GARNL3: variants seen among roughly 807,000 people sequenced by gnomAD.
GARNL3 encodes GTPase activating Rap/RanGAP domain like 3, also known as GTPase-activating Rap/Ran-GAP domain-like protein 3.
A neutral mutation model predicts 125.0 loss-of-function variants in GARNL3; 63 were observed. That is an observed-to-expected ratio of 0.50 (90% CI 0.41 to 0.62). The LOEUF (loss-of-function observed/expected upper bound fraction) is 0.62. Ranked by LOEUF, GARNL3 falls within the 20% of genes least tolerant of loss-of-function variation. The pLI is 0.00. For missense variants in GARNL3, 994 were observed against 1,244.0 expected (o/e 0.80, Z 3.02); for synonymous variants, 439 against 457.5 (o/e 0.96, Z 0.52).
chr9:127,289,161 G>C (rs76840673), intron 1 of GARNL3, among the ~76,000 whole-genome samples: 2,042 of 152,260 alleles, frequency 0.013, 54 homozygotes, highest in African/African-American at 0.047. Context: ...GTGACCCTAT[G>C]ATATCTAAAT....
chr9:127,334,334 C>T (rs1044675233), intron 9 of GARNL3, among the ~76,000 whole-genome samples: 3 of 152,256 alleles, frequency 2.0e-5, no homozygotes, highest in Non-Finnish European at 4.4e-5. Context: ...AGTCAGGCAG[C>T]GGGTGTGAGG....
chr9:127,388,748 C>T (rs2131838158), intron 25 of GARNL3, 156 bp from the exon 26 acceptor site: 1 of 613,634 alleles, frequency 1.6e-6, no homozygotes, highest in Non-Finnish European at 2.9e-6. Flanking sequence ...ACCCTCAAAT[C>T]AGTGCTCCTG....
chr9:127,313,078 G>A, intron 3 of GARNL3, among the ~76,000 whole-genome samples: 1 of 152,260 alleles, frequency 6.6e-6, no homozygotes, highest in African/African-American at 2.4e-5. Flanking sequence ...CCCTTGGGCT[G>A]GCCCTGTTCA....
At chr9:127,294,570 G>A (rs141237709) in intron 2 of GARNL3, among the ~76,000 whole-genome samples, 410 of 152,264 alleles carry the variant, frequency 2.7e-3, no homozygotes, top group African/African-American at 9.3e-3. Flanking sequence ...CCAACATGCT[G>A]GGATTACAGG....
chr9:127,237,082 A>G (rs1047159017), intron 1 of GARNL3, among the ~76,000 whole-genome samples: 1 of 152,196 alleles, frequency 6.6e-6, no homozygotes, highest in Non-Finnish European at 1.5e-5. Context: ...AGTGTGTACA[A>G]GTTTGTTGGA....
At chr9:127,316,390 T>A (rs993858921) in intron 4 of GARNL3, among the ~76,000 whole-genome samples, 21 of 151,072 alleles carry the variant, frequency 1.4e-4, no homozygotes, top group South Asian at 2.1e-4. Context: ...AAAAAAAAAA[T>A]AAAAATAAAA....
At chr9:127,284,563 C>T (rs2064191810) in intron 1 of GARNL3, among the ~76,000 whole-genome samples, 1 of 151,736 alleles carries the variant, frequency 6.6e-6, no homozygotes, top group Non-Finnish European at 1.5e-5. Context: ...TTTTTATCTT[C>T]TAGTGGTTAA....
Position 127,343,393 on chromosome 9 carries a change from C to A in GARNL3, c.1252-842C>A, listed in dbSNP as rs547295660. ...AATGATGTCCTTCAAGATAAGTAAT[C>A]ATATCCCAGCTGAAGCATCACTGCC... On this transcript the variant is annotated intron_variant, in intron 14 of 27. Coordinates refer to ENST00000373387, the MANE Select transcript of GARNL3 (RefSeq NM_032293.5). Among the ~76,000 whole-genome samples, 6 of 152,314 alleles carry A rather than the reference C, an allele frequency of 3.9e-5. No homozygotes were observed. In the East Asian group the frequency reaches 9.6e-4, roughly 24 times the overall value.
intron 4 of GARNL3, 137 bp downstream of exon 4, chr9:127,313,696 C>A: frequency 1.4e-6 from 1 of 700,346 alleles, no homozygotes; most frequent in Non-Finnish European, 2.6e-6. Context: ...GAGAAGTTGA[C>A]AGTGCCTTTG....
chr9:127,377,527 C>T lies in GARNL3; in HGVS notation c.2162-5911C>T, dbSNP rs1831985960. 2.0e-5 allele frequency among the ~76,000 whole-genome samples: 3 copies of T among 152,132 alleles called. No individual in the cohort carries two copies. The South Asian group carries it at 6.2e-4, about 32-fold the overall frequency. On this transcript the variant is annotated intron_variant, in intron 22 of 27. Coordinates refer to ENST00000373387, the MANE Select transcript of GARNL3 (RefSeq NM_032293.5). ...GCCGGCCAGGAGGGGTGGCTCACAC[C>T]CGTAATCCCAGCACTTTGGGAGGCT... is the stretch of plus-strand genomic sequence containing the variant.
At chr9:127,300,798 G>T in intron 2 of GARNL3, 2 of 381,706 alleles carry the variant, frequency 5.2e-6, no homozygotes, top group South Asian at 4.0e-5. Flanking sequence ...AGATTCATTT[G>T]GAAAATTCTT....
Position 127,313,517 on chromosome 9 carries a change from T to C in GARNL3, c.396T>C (p.Asn132=). 1 of 1,614,034 alleles carries C rather than the reference T, an allele frequency of 6.2e-7. No individual in the cohort carries two copies. The highest frequency in any genetic ancestry group is 8.5e-7 in the Non-Finnish European group (1 of 1,179,930). Residue 132 remains asparagine (N), a synonymous_variant, in exon 4 of 28, where the codon AAT becomes AAC. Transcript: ENST00000373387. ...FLSVTLSDQN[N]QRVPQYRAIL... The stretch of plus-strand genomic sequence containing the variant: ...CCGTGACCCTTTCTGACCAAAACAA[T>C]CAACGTGTCCCTCAATACCGTGCAA...
At chr9:127,350,723 C>T (rs898732007) in intron 17 of GARNL3, among the ~76,000 whole-genome samples, 17 of 151,842 alleles carry the variant, frequency 1.1e-4, no homozygotes, top group Admixed American at 2.6e-4. Context: ...TTGCAGTGAG[C>T]CAAGATCGCA....
chr9:127,332,162 T>C (rs777890089), intron 7 of GARNL3, 112 bp from the exon 8 acceptor site: 2 of 733,378 alleles, frequency 2.7e-6, no homozygotes, highest in African/African-American at 1.7e-5. Flanking sequence ...AGGGATCCCC[T>C]GACTGTCCAT....
At chr9:127,317,973 G>A in intron 4 of GARNL3, 90 bp from the exon 5 acceptor site, 1 of 802,150 alleles carries the variant, frequency 1.2e-6, no homozygotes, top group Non-Finnish European at 2.3e-6. Flanking sequence ...AGAAAGACTG[G>A]GCATGGCTTT....
chr9:127,308,477 T>G (rs747241092), intron 2 of GARNL3, among the ~76,000 whole-genome samples: 12 of 152,070 alleles, frequency 7.9e-5, no homozygotes, highest in Admixed American at 2.6e-4. Context: ...ACCAAACCCC[T>G]GCAACACACA....
intron 2 of GARNL3, among the ~76,000 whole-genome samples, chr9:127,296,940 A>C (rs2064616347): frequency 1.3e-5 from 2 of 152,096 alleles, no homozygotes; most frequent in African/African-American, 4.8e-5. Flanking sequence ...GCCCCCTGTG[A>C]GTCCCCTCCT....
At chr9:127,353,768 T>C in intron 17 of GARNL3, 78 bp from the exon 18 acceptor site, 2 of 938,316 alleles carry the variant, frequency 2.1e-6, no homozygotes, top group South Asian at 2.6e-5. Flanking sequence ...GGTTCAAAAC[T>C]ACCCACAGGC....
chr9:127,288,117 C>T (rs1041138171), intron 1 of GARNL3, among the ~76,000 whole-genome samples: 3 of 152,116 alleles, frequency 2.0e-5, no homozygotes, highest in Non-Finnish European at 2.9e-5. Flanking sequence ...GCGGAGAGAG[C>T]GCCTGAGGAA....
Sources: gnomAD v4.1 joint callset for allele counts (sites outside exome capture counted in the v4.1 genomes callset) on GRCh38, gnomAD v4.1.1 for gene constraint, MANE v1.5 for transcripts, NCBI Gene and HGNC (gene_info 2026-07-23, HGNC 2026-07-21) for gene names.